Variants in GNAQ observed in about 807,000 individuals in gnomAD.
The protein encoded by GNAQ is guanine nucleotide-binding protein G(q) subunit alpha.
Under a neutral mutation model 43.9 loss-of-function variants are expected in GNAQ, and 8 were observed. That is an observed-to-expected ratio of 0.18 (90% CI 0.11 to 0.33). GNAQ has a LOEUF of 0.33. Ranked by LOEUF, GNAQ falls within the 10% of genes least tolerant of loss-of-function variation. The pLI is 1.00. For missense variants in GNAQ, 158 were observed against 450.8 expected (o/e 0.35, Z 5.88); for synonymous variants, 155 against 170.7 (o/e 0.91, Z 0.71).
Position 77,718,387 on chromosome 9 carries a change from C to G in GNAQ, c.*2936G>C. On this transcript the variant is annotated 3_prime_UTR_variant, in exon 7 of 7. Transcript: ENST00000286548. Reference sequence around the variant, plus strand: ...AAGAAAATCCTTTAGCTTCGATTGACTGGTGTGGCTAAAATTAGGTTTCTA... The same window carrying G: ...AAGAAAATCCTTTAGCTTCGATTGAGTGGTGTGGCTAAAATTAGGTTTCTA... The G allele has an allele frequency of 4.3e-6, 1 of 232,342 alleles. No homozygotes were observed. Among genetic ancestry groups the G allele is most frequent in the Admixed American group, 5.6e-5 (1 of 17,752 alleles). The allele number at this position is 232,342 out of a possible 1,614,324, so 14.4% of individuals were successfully genotyped here. A position where few individuals can be genotyped will look rare whatever the true frequency, so the allele number is the denominator to read the frequency against.
chr9:78,015,848 G>C (rs1216446378), intron 1 of GNAQ, among the ~76,000 whole-genome samples: 1 of 151,942 alleles, frequency 6.6e-6, no homozygotes, highest in Non-Finnish European at 1.5e-5. Context: ...AAAATGCAAA[G>C]CCTTAAACAC....
chr9:78,012,156 T>C (rs1418118062), intron 1 of GNAQ, among the ~76,000 whole-genome samples: 1 of 151,616 alleles, frequency 6.6e-6, no homozygotes, highest in Non-Finnish European at 1.5e-5. Context: ...GCAAGCAAGG[T>C]AGGTAAAAAA....
intron 1 of GNAQ, among the ~76,000 whole-genome samples, chr9:77,970,402 T>C (rs987517817): frequency 2.6e-5 from 4 of 152,120 alleles, no homozygotes; most frequent in Non-Finnish European, 5.9e-5. Flanking sequence ...ACGGCCCAAC[T>C]GCACACACAC....
intron 2 of GNAQ, among the ~76,000 whole-genome samples, chr9:77,899,760 G>A (rs956114633): frequency 6.6e-6 from 1 of 152,068 alleles, no homozygotes; most frequent in Non-Finnish European, 1.5e-5. Context: ...GAGAACTTGG[G>A]CAGAGAATGG....
chr9:77,773,897 C>G lies in GNAQ; in HGVS notation c.735+20566G>C, dbSNP rs557356423. 1.7e-4 allele frequency among the ~76,000 whole-genome samples: 26 copies of G among 152,170 alleles called. No homozygotes were observed. The South Asian group carries it at 5.2e-3, about 30-fold the overall frequency. ...CTTTATTAATTATTGAGCTTGGTGT[C>G]CCAACCAAAGTGATATTATAGAATA... is the stretch of plus-strand genomic sequence containing the variant. On this transcript the variant is annotated intron_variant, in intron 5 of 6. Transcript: ENST00000286548.
intron 1 of GNAQ, among the ~76,000 whole-genome samples, chr9:77,985,145 C>T (rs1410135180): frequency 6.6e-6 from 1 of 152,082 alleles, no homozygotes; most frequent in African/African-American, 2.4e-5. Context: ...TCCGTCTCTA[C>T]TAAAAATACA....
intron 1 of GNAQ, among the ~76,000 whole-genome samples, chr9:78,029,535 C>T (rs993595444): frequency 1.3e-5 from 2 of 151,906 alleles, no homozygotes; most frequent in Non-Finnish European, 2.9e-5. Context: ...CCCCTAAGCC[C>T]AACTCTTTCA....
chr9:77,772,619 G>C (rs957119178), intron 5 of GNAQ, among the ~76,000 whole-genome samples: 6 of 152,150 alleles, frequency 3.9e-5, no homozygotes, highest in Admixed American at 2.0e-4. Context: ...ACAAAAATCA[G>C]AAGAGAGAAA....
intron 2 of GNAQ, among the ~76,000 whole-genome samples, chr9:77,820,488 T>C (rs1219260142): frequency 6.6e-6 from 1 of 152,162 alleles, no homozygotes; most frequent in Non-Finnish European, 1.5e-5. Flanking sequence ...TTGTGAGTGA[T>C]TCACTCCCAT....
chr9:77,896,762 A>G (rs557826579), intron 2 of GNAQ, among the ~76,000 whole-genome samples: 14 of 152,250 alleles, frequency 9.2e-5, no homozygotes, highest in South Asian at 2.1e-4. Flanking sequence ...CATTAGCTCA[A>G]TGAAGGCACT....
intron 2 of GNAQ, among the ~76,000 whole-genome samples, chr9:77,878,500 C>T (rs556698075): frequency 3.4e-4 from 51 of 152,034 alleles, no homozygotes; most frequent in Admixed American, 7.9e-4. Context: ...TGAAATTGAA[C>T]TGCATTGTAT....
intron 1 of GNAQ, among the ~76,000 whole-genome samples, chr9:78,029,758 C>G (rs1824026373): frequency 6.6e-6 from 1 of 152,144 alleles, no homozygotes; most frequent in Non-Finnish European, 1.5e-5. Flanking sequence ...ATGGAATGCT[C>G]AAGATAAGAA....
At chr9:77,855,370 A>G (rs897954830) in intron 2 of GNAQ, among the ~76,000 whole-genome samples, 7 of 152,206 alleles carry the variant, frequency 4.6e-5, no homozygotes, top group Non-Finnish European at 1.0e-4. Flanking sequence ...ATAAAAATCA[A>G]TAAAAGCAAA....
At chr9:77,964,256 G>C (rs1587434289) in intron 1 of GNAQ, among the ~76,000 whole-genome samples, 1 of 152,018 alleles carries the variant, frequency 6.6e-6, no homozygotes, top group South Asian at 2.1e-4. Flanking sequence ...CAATAACAAA[G>C]CTTCAAAATA....
chr9:78,000,110 A>T (rs1823625560), intron 1 of GNAQ, among the ~76,000 whole-genome samples: 1 of 152,222 alleles, frequency 6.6e-6, no homozygotes, highest in Admixed American at 6.5e-5. Flanking sequence ...TAGAGAACAT[A>T]AACTATAAAT....
At chr9:77,988,786 C>A (rs1823473530) in intron 1 of GNAQ, among the ~76,000 whole-genome samples, 1 of 152,176 alleles carries the variant, frequency 6.6e-6, no homozygotes, top group South Asian at 2.1e-4. Flanking sequence ...TTACTAATCT[C>A]AATTGCCAAA....
intron 2 of GNAQ, among the ~76,000 whole-genome samples, chr9:77,861,882 G>A (rs2117976994): frequency 6.6e-6 from 1 of 152,092 alleles, no homozygotes; most frequent in South Asian, 2.1e-4. Context: ...GCACACACCT[G>A]TAATCCCAGC....
chr9:77,789,342 A>G (rs1021072613), intron 5 of GNAQ, among the ~76,000 whole-genome samples: 5 of 152,218 alleles, frequency 3.3e-5, no homozygotes, highest in African/African-American at 4.8e-5. Flanking sequence ...GTGGAAGAAG[A>G]TATTTGTATA....
chr9:77,744,514 A>G (rs1182803492), intron 5 of GNAQ, among the ~76,000 whole-genome samples: 2 of 152,212 alleles, frequency 1.3e-5, no homozygotes, highest in African/African-American at 2.4e-5. Flanking sequence ...AGATTTAGAC[A>G]GTCTGAAAGA....
Sources: gnomAD v4.1 joint callset for allele counts (sites outside exome capture counted in the v4.1 genomes callset) on GRCh38, gnomAD v4.1.1 for gene constraint, MANE v1.5 for transcripts, NCBI Gene and HGNC (gene_info 2026-07-23, HGNC 2026-07-21) for gene names.